COX10: variants seen among roughly 807,000 people sequenced by gnomAD.
COX10 encodes cytochrome c oxidase assembly factor heme A:farnesyltransferase COX10.
In COX10, 27 loss-of-function variants were observed where a neutral mutation model predicts 37.3. The observed-to-expected ratio is 0.72, with a 90% CI of 0.53 to 1.00. The LOEUF (loss-of-function observed/expected upper bound fraction) is 1.00, where lower values mean the gene tolerates loss of function less well. Among genes scored for constraint, COX10 ranks in the 50% least tolerant of loss-of-function variants. The pLI is 0.00. For synonymous variants in COX10, 222 were observed against 229.1 expected (o/e 0.97, Z 0.28); for missense variants, 475 against 563.2 (o/e 0.84, Z 1.59).
rs1391670969 is a variant in COX10 at position 14,207,821 on chromosome 17, C to T, written c.*608C>T. ...GATTCCACATGTTTGCCTTGGGAGT[C>T]TCAAGCTGGACTGCCAGCCCCTGTC... On this transcript the variant is annotated 3_prime_UTR_variant, in exon 7 of 7. Coordinates refer to ENST00000261643, the MANE Select transcript of COX10 (RefSeq NM_001303.4). 3 of 152,554 alleles carry T rather than the reference C, an allele frequency of 2.0e-5. No homozygotes were observed. The highest frequency in any genetic ancestry group is 4.4e-5 in the Non-Finnish European group (3 of 68,324). 9.5% of individuals were successfully genotyped at this position (152,554 alleles called of 1,614,324 possible). A position where few individuals can be genotyped will look rare whatever the true frequency, so the allele number is the denominator to read the frequency against.
At chr17:14,112,269 C>T (rs1916020014) in intron 4 of COX10, among the ~76,000 whole-genome samples, 1 of 152,154 alleles carries the variant, frequency 6.6e-6, no homozygotes, top group South Asian at 2.1e-4. Flanking sequence ...CACACTTCCA[C>T]AGAATTTTGT....
intron 4 of COX10, among the ~76,000 whole-genome samples, chr17:14,135,936 G>A (rs1904348588): frequency 6.6e-6 from 1 of 151,846 alleles, no homozygotes; most frequent in Non-Finnish European, 1.5e-5. Flanking sequence ...TAAGTTGTTT[G>A]GATTTTGTTT....
At chr17:14,130,942 A>G (rs547700852) in intron 4 of COX10, among the ~76,000 whole-genome samples, 345 of 152,290 alleles carry the variant, frequency 2.3e-3, no homozygotes, top group African/African-American at 8.1e-3. Context: ...GTGAAAAACC[A>G]TCACAAAGTA....
rs1193686730 is a variant in COX10, at chr17:14,080,164, TA to T, written c.499+3113del. ...TTTGATGAAACAACAAATTTGTTTCTAAAAAGATAGTATAATTTACCCTTCC... is the reference window on the plus strand; with the variant it reads ...TTTGATGAAACAACAAATTTGTTTCTAAAAGATAGTATAATTTACCCTTCC... On this transcript the variant is annotated intron_variant, in intron 3 of 6. Transcript: ENST00000261643. 3.3e-5 allele frequency among the ~76,000 whole-genome samples: 5 copies of T among 151,360 alleles called. No homozygotes were observed. The East Asian group carries it at 9.7e-4, about 29-fold the overall frequency.
chr17:14,189,719 T>C (rs546821656), intron 5 of COX10, among the ~76,000 whole-genome samples: 1 of 152,364 alleles, frequency 6.6e-6, no homozygotes, highest in African/African-American at 2.4e-5. Flanking sequence ...CCATGAACTT[T>C]TTGAAGTCCC....
intron 5 of COX10, among the ~76,000 whole-genome samples, chr17:14,191,525 G>T (rs771727640): frequency 8.5e-5 from 13 of 152,174 alleles, no homozygotes; most frequent in Admixed American, 2.6e-4. Flanking sequence ...CCAGAATTCA[G>T]GTAGTATTTT....
chr17:14,177,199 T>C (rs906288146), intron 5 of COX10: 23 of 712,042 alleles, frequency 3.2e-5, no homozygotes, highest in Non-Finnish European at 4.4e-5. Context: ...TCTGGTTGCC[T>C]CCGTCACTGT....
intron 4 of COX10, among the ~76,000 whole-genome samples, chr17:14,109,276 A>G (rs112299991): frequency 6.6e-5 from 10 of 152,296 alleles, no homozygotes; most frequent in African/African-American, 2.2e-4. Flanking sequence ...AATGACAGAA[A>G]GAAAATGCAT....
At chr17:14,075,872 G>C in intron 2 of COX10, among the ~76,000 whole-genome samples, 1 of 151,318 alleles carries the variant, frequency 6.6e-6, no homozygotes, top group African/African-American at 2.4e-5. Context: ...GGTGCCTGTA[G>C]TCCCAACTAC....
chr17:14,151,300 C>G (rs929483767), intron 4 of COX10, among the ~76,000 whole-genome samples: 5 of 152,134 alleles, frequency 3.3e-5, no homozygotes, highest in African/African-American at 1.2e-4. Context: ...GCTGGGCCCT[C>G]ACTGAAATGA....
chr17:14,109,717 AAT>A (rs1198060596), intron 4 of COX10, among the ~76,000 whole-genome samples: 1 of 152,134 alleles, frequency 6.6e-6, no homozygotes, highest in Non-Finnish European at 1.5e-5. Context: ...ATTCTTTATT[AAT>A]ATGAGTCTTC....
rs575885529 is a variant in COX10, at chr17:14,156,506, G to A, written c.625-3371G>A. Among the ~76,000 whole-genome samples the A allele has an allele frequency of 2.2e-3, 331 of 152,306 alleles. 1 individual carries two copies. The highest frequency in any genetic ancestry group is 3.2e-3 in the Non-Finnish European group (216 of 68,014). ...GCCTCCCAAAGTGCTGGGATTACAG[G>A]CGTGAGCCACCGTGCCCGGCCTAAA... is the stretch of plus-strand genomic sequence containing the variant. On this transcript the variant is annotated intron_variant, in intron 4 of 6. Coordinates refer to ENST00000261643, the MANE Select transcript of COX10 (RefSeq NM_001303.4).
chr17:14,082,932 G>A (rs767976109), intron 3 of COX10, among the ~76,000 whole-genome samples: 1 of 152,196 alleles, frequency 6.6e-6, no homozygotes, highest in Non-Finnish European at 1.5e-5. Flanking sequence ...CAAAGTAGGT[G>A]TTAGGTAGGC....
chr17:14,133,176 T>C (rs1271353737), intron 4 of COX10, among the ~76,000 whole-genome samples: 1 of 151,688 alleles, frequency 6.6e-6, no homozygotes, highest in Non-Finnish European at 1.5e-5. Context: ...TTATTAAAAA[T>C]AAGTCAACTG....
chr17:14,170,926 A>T (rs1213362646), intron 5 of COX10, among the ~76,000 whole-genome samples: 1 of 152,210 alleles, frequency 6.6e-6, no homozygotes, highest in Non-Finnish European at 1.5e-5. Flanking sequence ...AGAGGTTTAA[A>T]ACTGTAGAGA....
intron 4 of COX10, among the ~76,000 whole-genome samples, chr17:14,135,858 GA>G (rs1244583258): frequency 1.3e-5 from 2 of 151,864 alleles, no homozygotes; most frequent in African/African-American, 4.8e-5. Context: ...GAGTAGCAAA[GA>G]AAAGAGCTTG....
At chr17:14,118,883 T>C (rs960836062) in intron 4 of COX10, among the ~76,000 whole-genome samples, 2 of 152,032 alleles carry the variant, frequency 1.3e-5, no homozygotes, top group African/African-American at 4.8e-5. Flanking sequence ...GGGAGCTTTT[T>C]TTTTTTCATA....
chr17:14,142,469 C>A (rs1904575634), intron 4 of COX10, among the ~76,000 whole-genome samples: 1 of 152,198 alleles, frequency 6.6e-6, no homozygotes, highest in African/African-American at 2.4e-5. Context: ...ACATCAACTA[C>A]TGTTATTTAT....
intron 3 of COX10, among the ~76,000 whole-genome samples, 183 bp from the exon 4 acceptor site, chr17:14,101,935 G>T (rs539176933): frequency 6.6e-6 from 1 of 152,234 alleles, no homozygotes; most frequent in African/African-American, 2.4e-5. Flanking sequence ...TATATAATTA[G>T]TACATGTAGT....
Sources: allele counts gnomAD v4.1 joint callset (sites outside exome capture counted in the v4.1 genomes callset), GRCh38; gene constraint gnomAD v4.1.1; transcripts MANE v1.5; gene names NCBI Gene and HGNC (gene_info 2026-07-23, HGNC 2026-07-21).